The following NSD2 variants were observed in gnomAD, a reference collection of about 807,000 sequenced individuals.
The protein encoded by NSD2 is nuclear receptor binding SET domain protein 2.
NSD2 carries 12 observed loss-of-function variants against 139.0 expected under a neutral mutation model. The observed-to-expected ratio is 0.09, with a 90% CI of 0.06 to 0.14. The LOEUF is 0.14. Ranked by LOEUF, NSD2 falls within the 10% of genes least tolerant of loss-of-function variation. The probability of loss-of-function intolerance (pLI) is 1.00; values close to 1 mark genes in which losing one functional copy is unlikely to be tolerated. For missense variants in NSD2, 1,155 were observed against 1,745.0 expected, an observed-to-expected ratio of 0.66 and a Z score of 6.02; for synonymous variants, 669 against 648.7, an observed-to-expected ratio of 1.03 and a Z score of -0.48.
Position 1,918,223 on chromosome 4 carries a change from T to C in NSD2, c.1010T>C (p.Val337Ala). 6.2e-7 allele frequency: 1 copy of C among 1,613,364 alleles called. No homozygotes were observed. Among genetic ancestry groups the C allele is most frequent in the Non-Finnish European group, 8.5e-7 (1 of 1,179,934 alleles). The change falls in exon 5 of 22, where the codon GTG (valine) becomes GCG (alanine). Residue 337 changes from valine to alanine, a missense_variant. Physicochemically the swap from Val to Ala is moderately conservative, Grantham distance 64. This residue lies in a region of NSD2 where 420 missense variants were observed against 469.0 expected (regional missense o/e 0.90). Coordinates refer to ENST00000508803, the MANE Select transcript of NSD2 (RefSeq NM_001042424.3). ...VQAEEAASMS[V>A]EERKAKFTFL... ...GCAGAAGAAGCTGCAAGCATGTCAG[T>C]GGAGGAGCGGAAAGCCAAGTTCACC...
chr4:1,952,661 C>G (rs765554609), intron 11 of NSD2: 87 of 1,010,186 alleles, frequency 8.6e-5, no homozygotes, highest in Non-Finnish European at 1.0e-4. Context: ...GACACAGTGT[C>G]ACCTTGAGCC....
chr4:1,909,977 A>G (rs1718449972), intron 3 of NSD2, among the ~76,000 whole-genome samples: 1 of 151,990 alleles, frequency 6.6e-6, no homozygotes, highest in African/African-American at 2.4e-5. Context: ...CATGCTTGGG[A>G]TTTATGGACC....
rs989910371 is a variant in NSD2, at chr4:1,973,482, C to T, written c.3373-1381C>T. ...TCAGCGCGTCATGACAAAGCATCTG[C>T]AGAGGGCAGATGAGCACCCCCACTT... is the stretch of plus-strand genomic sequence containing the variant. On this transcript the variant is annotated intron_variant, in intron 18 of 21. Transcript: ENST00000508803. The surrounding 1 kb of genome is among the most constrained non-coding windows in gnomAD (Gnocchi z 5.5). Among the ~76,000 whole-genome samples the T allele has an allele frequency of 1.3e-4, 20 of 152,244 alleles. No individual in the cohort carries two copies. Among genetic ancestry groups the T allele is most frequent in the African/African-American group, 4.1e-4 (17 of 41,466 alleles).
rs1407250956 is a variant in NSD2, at chr4:1,941,161, T to G, written c.1881+1383T>G. ...TTTTTCCTTTCTTTCTTGTCCAAGTTCAGGTTAAAATCTTAGAAAATTAAA... is the reference window on the plus strand; with the variant it reads ...TTTTTCCTTTCTTTCTTGTCCAAGTGCAGGTTAAAATCTTAGAAAATTAAA... On this transcript the variant is annotated intron_variant, in intron 9 of 21. Transcript: ENST00000508803. 7.6e-6 allele frequency: 8 copies of G among 1,054,128 alleles called. No homozygotes were observed. In the East Asian group the frequency reaches 3.8e-4, roughly 49 times the overall value. 65.3% of individuals were successfully genotyped at this position (1,054,128 alleles called of 1,614,324 possible).
rs191676987 is a variant in NSD2, at chr4:1,875,076, C to T, written c.-30+3534C>T. Reference sequence around the variant, plus strand: ...TCCTGGGCTCAAGCTTTCCTCCCAGCTCATTCTCCTAAGTAGTTAGGACTA... The same window carrying T: ...TCCTGGGCTCAAGCTTTCCTCCCAGTTCATTCTCCTAAGTAGTTAGGACTA... On this transcript the variant is annotated intron_variant, in intron 1 of 21. Transcript: ENST00000508803. 6.8e-4 allele frequency among the ~76,000 whole-genome samples: 103 copies of T among 152,008 alleles called. 2 individuals carry two copies. The East Asian group carries it at 7.8e-3, about 12-fold the overall frequency.
chr4:1,971,773 G>A (rs975522444), intron 18 of NSD2, among the ~76,000 whole-genome samples: 1 of 152,192 alleles, frequency 6.6e-6, no homozygotes, highest in African/African-American at 2.4e-5. Context: ...TGCAAGGAGG[G>A]CTTAACAACC....
At chr4:1,931,808 G>A (rs985934131) in intron 6 of NSD2, among the ~76,000 whole-genome samples, 1 of 152,108 alleles carries the variant, frequency 6.6e-6, no homozygotes, top group Admixed American at 6.6e-5. Context: ...TTTAGGACTT[G>A]TATATTTTCT....
In NSD2 at chr4:1,902,562, CT is replaced by C. The variant is rs577194795; in HGVS notation, c.597+1312del. ...TGAAGTGCCCACAGCAGTATTGAAC[CT>C]CATGCTTTTGCTTGGGAAGAGGCCT... On this transcript the variant is annotated intron_variant, in intron 2 of 21. Coordinates refer to ENST00000508803, the MANE Select transcript of NSD2 (RefSeq NM_001042424.3). 5.4e-3 allele frequency among the ~76,000 whole-genome samples: 820 copies of C among 152,156 alleles called. 5 individuals are homozygous for C. Among genetic ancestry groups the C allele is most frequent in the African/African-American group, 0.019 (789 of 41,520 alleles).
intron 3 of NSD2, among the ~76,000 whole-genome samples, chr4:1,907,859 C>T (rs183541691): frequency 6.6e-6 from 1 of 152,266 alleles, no homozygotes; most frequent in East Asian, 1.9e-4. Context: ...GATCCACCCA[C>T]CTTGGCCTCC....
chr4:1,949,043 C>T (rs1469943552), intron 9 of NSD2, among the ~76,000 whole-genome samples: 3 of 152,188 alleles, frequency 2.0e-5, no homozygotes, highest in Admixed American at 2.0e-4. Context: ...CTGAGTGGGG[C>T]CCCAGACAGT....
chr4:1,911,587 C>CAAAAAAAAAAAAAAAAAAAAAA (rs372660600), intron 3 of NSD2, among the ~76,000 whole-genome samples: 6 of 42,056 alleles, frequency 1.4e-4, no homozygotes, highest in East Asian at 8.0e-4. Flanking sequence ...GACGCCATCT[C>CAAAAAAAAAAAAAAAAAAAAAA]AAAAAAAAAA....
intron 18 of NSD2, 91 bp downstream of exon 18, chr4:1,961,242 C>T (rs1208409831): frequency 1.2e-5 from 12 of 1,028,734 alleles, no homozygotes; most frequent in African/African-American, 4.7e-5. Context: ...CCTGTGGCAG[C>T]GCCAGCATTT....
rs200512366 is a variant in NSD2 at position 1,959,629 on chromosome 4, G to A, written c.3144G>A (p.Ala1048=). ...MFECHPQVCP[A]GEFCQNQCFT... ...AGTGCCACCCGCAGGTGTGTCCCGC[G>A]GGCGAGTTCTGCCAGAACCAGTGCT... is the stretch of plus-strand genomic sequence containing the variant. Residue 1048 remains alanine (A), a synonymous_variant, in exon 17 of 22, where the codon GCG becomes GCA. Coordinates refer to ENST00000508803, the MANE Select transcript of NSD2 (RefSeq NM_001042424.3). 211 of 1,614,120 alleles carry A rather than the reference G, an allele frequency of 1.3e-4. 1 individual carries two copies. The East Asian group carries it at 3.1e-3, about 24-fold the overall frequency.
intron 21 of NSD2, among the ~76,000 whole-genome samples, chr4:1,977,225 G>C (rs1443813587): frequency 1.3e-5 from 2 of 152,274 alleles, no homozygotes; most frequent in Non-Finnish European, 2.9e-5. Flanking sequence ...TTGAGGGAAA[G>C]TAGAGTGGGC....
chr4:1,962,501 A>G (rs1000253665), intron 18 of NSD2, among the ~76,000 whole-genome samples: 1 of 152,228 alleles, frequency 6.6e-6, no homozygotes, highest in Non-Finnish European at 1.5e-5. Flanking sequence ...AGATATTCGT[A>G]ACTTACTTTC....
chr4:1,900,726 A>C lies in NSD2; in HGVS notation c.72A>C (p.Ala24=). 6.2e-7 allele frequency: 1 copy of C among 1,614,038 alleles called. No individual in the cohort carries two copies. The highest frequency in any genetic ancestry group is 8.5e-7 in the Non-Finnish European group (1 of 1,179,992). ...SVVKCIKMKQ[A]PEILGSANGK... ...TAAAGTGCATAAAGATGAAGCAGGC[A>C]CCAGAAATCCTCGGCAGTGCCAACG... Residue 24 remains alanine (A), a synonymous_variant, in exon 2 of 22, where the codon GCA becomes GCC. Coordinates refer to ENST00000508803, the MANE Select transcript of NSD2 (RefSeq NM_001042424.3).
At chr4:1,968,332 A>G (rs1395931396) in intron 18 of NSD2, among the ~76,000 whole-genome samples, 1 of 152,268 alleles carries the variant, frequency 6.6e-6, no homozygotes, top group African/African-American at 2.4e-5. Context: ...ACTGCGAGGC[A>G]GGAAGGAAGA....
chr4:1,917,236 G>A (rs1178583956), intron 4 of NSD2, among the ~76,000 whole-genome samples, 199 bp downstream of exon 4: 1 of 151,012 alleles, frequency 6.6e-6, no homozygotes, highest in Non-Finnish European at 1.5e-5. Context: ...ATTTTTTTTT[G>A]CTCATTTGAT....
intron 5 of NSD2, among the ~76,000 whole-genome samples, chr4:1,921,961 A>C (rs1720201175): frequency 6.6e-6 from 1 of 152,094 alleles, no homozygotes; most frequent in Non-Finnish European, 1.5e-5. Context: ...CAGCCTGGCC[A>C]ACATGGTGAA....
Sources: allele counts gnomAD v4.1 joint callset (sites outside exome capture counted in the v4.1 genomes callset), GRCh38; gene constraint gnomAD v4.1.1; regional missense constraint gnomAD v4.1.1; non-coding constraint Gnocchi (gnomAD v3.1); transcripts MANE v1.5; gene names NCBI Gene and HGNC (gene_info 2026-07-23, HGNC 2026-07-21).